Variants in CADM2 observed in about 807,000 individuals in gnomAD.
CADM2 encodes the protein immunoglobulin superfamily member 4D.
Under a neutral mutation model 49.8 loss-of-function variants are expected in CADM2, and 12 were observed. The ratio of observed to expected loss-of-function variants is 0.24; its 90% CI spans 0.15 to 0.39. The LOEUF is 0.39. Ranked by LOEUF, CADM2 falls within the 10% of genes least tolerant of loss-of-function variation. CADM2 has a pLI of 1.00. For synonymous variants in CADM2, 214 were observed against 175.4 expected (o/e 1.22, Z -1.74); for missense variants, 378 against 492.3 (o/e 0.77, Z 2.20).
chr3:85,135,521 A>G (rs2039390062), intron 1 of CADM2, among the ~76,000 whole-genome samples: 1 of 152,138 alleles, frequency 6.6e-6, no homozygotes, highest in Non-Finnish European at 1.5e-5. Context: ...AATCAAAAGC[A>G]CATATAGTAC....
At chr3:85,407,360 A>G (rs2035433170) in intron 1 of CADM2, among the ~76,000 whole-genome samples, 1 of 152,090 alleles carries the variant, frequency 6.6e-6, no homozygotes, top group Admixed American at 6.5e-5. Flanking sequence ...TCTCTTCTTC[A>G]TTGCCCATAC....
chr3:85,135,994 A>G (rs1011374055), intron 1 of CADM2, among the ~76,000 whole-genome samples: 9 of 152,128 alleles, frequency 5.9e-5, no homozygotes, highest in Middle Eastern at 3.4e-3. Flanking sequence ...TCGCTTGAAT[A>G]TGTAGGTGTC....
chr3:86,014,170 T>C (rs73134199), intron 8 of CADM2: 94,276 of 1,290,474 alleles, frequency 0.073, 4,175 homozygotes, highest in Non-Finnish European at 0.081. Context: ...CAAGCACTTG[T>C]TTTAGGTTCA....
chr3:85,708,433 C>A (rs1418912403), intron 1 of CADM2, among the ~76,000 whole-genome samples: 1 of 152,008 alleles, frequency 6.6e-6, no homozygotes, highest in South Asian at 2.1e-4. Context: ...GGGTATTGCA[C>A]CTCAACAAGC....
At chr3:85,776,597 T>A (rs1168589813) in intron 2 of CADM2, among the ~76,000 whole-genome samples, 1 of 152,108 alleles carries the variant, frequency 6.6e-6, no homozygotes, top group Non-Finnish European at 1.5e-5. Flanking sequence ...TACTTTTAGA[T>A]GTATTACTTA....
intron 1 of CADM2, among the ~76,000 whole-genome samples, chr3:85,577,984 T>C (rs866522462): frequency 3.0e-5 from 4 of 134,220 alleles, no homozygotes; most frequent in African/African-American, 1.2e-4. Context: ...TATTAATCTC[T>C]TTCCTTCCTT....
At chr3:84,961,233 C>A (rs535274604) in intron 1 of CADM2, among the ~76,000 whole-genome samples, 1 of 152,242 alleles carries the variant, frequency 6.6e-6, no homozygotes, top group South Asian at 2.1e-4. Flanking sequence ...CTCTCCTGCC[C>A]TCCTCCGGGA....
chr3:85,629,289 A>G (rs1441886795), intron 1 of CADM2, among the ~76,000 whole-genome samples: 4 of 151,932 alleles, frequency 2.6e-5, no homozygotes, highest in Non-Finnish European at 4.4e-5. Context: ...ACAGAACACT[A>G]ATTTTGTCAA....
At chr3:85,536,750 A>T in intron 1 of CADM2, among the ~76,000 whole-genome samples, 1 of 152,048 alleles carries the variant, frequency 6.6e-6, no homozygotes, top group East Asian at 1.9e-4. Context: ...AAGATTAAGT[A>T]AATATGAGAG....
intron 1 of CADM2, among the ~76,000 whole-genome samples, chr3:85,495,358 G>T (rs1466605668): frequency 6.6e-6 from 1 of 152,040 alleles, no homozygotes. Context: ...TCATTTATAC[G>T]TAACCTTAGA....
intron 1 of CADM2, among the ~76,000 whole-genome samples, chr3:85,018,544 G>A (rs1259254175): frequency 1.3e-5 from 2 of 151,940 alleles, no homozygotes; most frequent in South Asian, 2.1e-4. Context: ...CGTAGAGATG[G>A]CGGTTTCACC....
intron 1 of CADM2, among the ~76,000 whole-genome samples, chr3:85,170,342 C>CTTTT (rs10649749): frequency 1.8e-4 from 26 of 144,428 alleles, no homozygotes; most frequent in African/African-American, 3.8e-4. Flanking sequence ...CTTTTTCTAA[C>CTTTT]TTTTTTTTTT....
intron 1 of CADM2, among the ~76,000 whole-genome samples, chr3:85,626,002 G>A (rs961514799): frequency 2.0e-5 from 3 of 151,898 alleles, no homozygotes; most frequent in Admixed American, 1.3e-4. Context: ...TTTTAAAATC[G>A]TAAGGCAAGT....
chr3:85,127,334 G>T (rs1335029237), intron 1 of CADM2, among the ~76,000 whole-genome samples: 3 of 152,144 alleles, frequency 2.0e-5, no homozygotes, highest in Non-Finnish European at 4.4e-5. Flanking sequence ...TATTACAATT[G>T]TTGTCCTTAT....
At chr3:85,207,614 A>G (rs1183172266) in intron 1 of CADM2, among the ~76,000 whole-genome samples, 1 of 152,186 alleles carries the variant, frequency 6.6e-6, no homozygotes, top group African/African-American at 2.4e-5. Flanking sequence ...AAGTATTTTT[A>G]TCTAGTGGTT....
At chr3:85,305,924 A>G (rs964491801) in intron 1 of CADM2, among the ~76,000 whole-genome samples, 1 of 151,680 alleles carries the variant, frequency 6.6e-6, no homozygotes, top group African/African-American at 2.4e-5. Context: ...AAACTTGTCT[A>G]GCAGGATCCA....
Position 86,065,710 on chromosome 3 carries a change from G to T in CADM2, c.1076G>T (p.Arg359Leu). The change falls in exon 9 of 10, where the codon CGA becomes CTA. Residue 359 changes from arginine to leucine, a missense_variant. Transcript: ENST00000383699. Reference sequence around the variant, plus strand: ...CTGTGTTCTATCTTTCTGCTTGGTCGATATCTGGCAAGGCATAAAGGTACG... The same window carrying T: ...CTGTGTTCTATCTTTCTGCTTGGTCTATATCTGGCAAGGCATAAAGGTACG... ...VTLCSIFLLG[R>L]YLARHKGTYL... 1 of 1,613,862 alleles carries T rather than the reference G, an allele frequency of 6.2e-7. No homozygotes were observed. Among genetic ancestry groups the T allele is most frequent in the Non-Finnish European group, 8.5e-7 (1 of 1,179,922 alleles).
intron 1 of CADM2, among the ~76,000 whole-genome samples, chr3:85,143,692 C>A (rs891954340): frequency 6.6e-6 from 1 of 152,164 alleles, no homozygotes; most frequent in Non-Finnish European, 1.5e-5. Flanking sequence ...CACCTTCTAA[C>A]TCCATGGTCT....
chr3:85,429,411 T>C (rs543451050), intron 1 of CADM2, among the ~76,000 whole-genome samples: 7 of 152,242 alleles, frequency 4.6e-5, no homozygotes, highest in African/African-American at 1.7e-4. Flanking sequence ...CTCAATAAAG[T>C]AATAAATATG....
Sources: gnomAD v4.1 joint callset for allele counts (sites outside exome capture counted in the v4.1 genomes callset) on GRCh38, gnomAD v4.1.1 for gene constraint, MANE v1.5 for transcripts, NCBI Gene and HGNC (gene_info 2026-07-23, HGNC 2026-07-21) for gene names.